VAV3: variants seen among roughly 807,000 people sequenced by gnomAD.
VAV3 encodes the protein guanine nucleotide exchange factor VAV3.
A neutral mutation model predicts 131.2 loss-of-function variants in VAV3; 94 were observed. The observed-to-expected ratio is 0.72, with a 90% CI of 0.61 to 0.85. VAV3 has a LOEUF of 0.85. Ranked by LOEUF, VAV3 falls within the 40% of genes least tolerant of loss-of-function variation. The pLI, the probability that VAV3 is intolerant of heterozygous loss-of-function variation, is 0.00. For synonymous variants in VAV3, 349 were observed against 342.0 expected, an observed-to-expected ratio of 1.02 and a Z score of -0.22; for missense variants, 939 against 1,002.7, an observed-to-expected ratio of 0.94 and a Z score of 0.86.
At chr1:107,875,224 C>T (rs544351603) in intron 1 of VAV3, among the ~76,000 whole-genome samples, 41 of 152,224 alleles carry the variant, frequency 2.7e-4, no homozygotes, top group African/African-American at 9.1e-4. Flanking sequence ...GCAATTTCTA[C>T]CCTCATGAAA....
intron 2 of VAV3, chr1:107,862,797 T>C (rs1036150964): frequency 1.0e-4 from 15 of 144,574 alleles, no homozygotes; most frequent in Non-Finnish European, 1.7e-4. Flanking sequence ...ATATGTGCCA[T>C]AGCCTTGGAA....
intron 12 of VAV3, among the ~76,000 whole-genome samples, chr1:107,753,690 G>A (rs999706904): frequency 6.6e-6 from 1 of 151,352 alleles, no homozygotes; most frequent in African/African-American, 2.4e-5. Context: ...CTCCCCAGTA[G>A]CTGGGACTAC....
At chr1:107,909,923 G>A (rs1157204820) in intron 1 of VAV3, among the ~76,000 whole-genome samples, 1 of 152,100 alleles carries the variant, frequency 6.6e-6, no homozygotes, top group African/African-American at 2.4e-5. Context: ...TCGGTTACAG[G>A]TTATTTGAAC....
rs534665152 is a variant in VAV3 at position 107,740,906 on chromosome 1, G to A, written c.1502+8062C>T. 2.6e-4 allele frequency among the ~76,000 whole-genome samples: 39 copies of A among 152,280 alleles called. 1 individual carries two copies. In the South Asian group the frequency reaches 7.5e-3, roughly 29 times the overall value. On this transcript the variant is annotated intron_variant, in intron 15 of 26. Transcript: ENST00000370056. ...ACAAAGCCTAAACCATTTACTCTCTGGCCCCCTACAACAAAATGTTGCTGG... is the reference window on the plus strand; with the variant it reads ...ACAAAGCCTAAACCATTTACTCTCTAGCCCCCTACAACAAAATGTTGCTGG...
intron 25 of VAV3, among the ~76,000 whole-genome samples, chr1:107,584,808 G>T (rs970992199): frequency 6.6e-6 from 1 of 152,032 alleles, no homozygotes; most frequent in Admixed American, 6.6e-5. Context: ...TAAGTATAAG[G>T]TCTTTCTTAT....
At chr1:107,806,646 C>A (rs1667070399) in intron 2 of VAV3, among the ~76,000 whole-genome samples, 1 of 152,094 alleles carries the variant, frequency 6.6e-6, no homozygotes, top group Non-Finnish European at 1.5e-5. Context: ...AGTGAACAAT[C>A]CTAACCACCA....
At chr1:107,746,340 A>T (rs1213998999) in intron 15 of VAV3, among the ~76,000 whole-genome samples, 2 of 152,188 alleles carry the variant, frequency 1.3e-5, no homozygotes, top group Admixed American at 1.3e-4. Context: ...CTCCAAAAAG[A>T]TACTTCTACC....
chr1:107,674,341 C>G (rs1658041836), intron 19 of VAV3, among the ~76,000 whole-genome samples: 1 of 152,132 alleles, frequency 6.6e-6, no homozygotes, highest in Non-Finnish European at 1.5e-5. Flanking sequence ...GGTAGGGATT[C>G]TTCTGGTGCT....
At chr1:107,826,577 T>G (rs1239710058) in intron 2 of VAV3, among the ~76,000 whole-genome samples, 1 of 152,196 alleles carries the variant, frequency 6.6e-6, no homozygotes, top group Admixed American at 6.5e-5. Flanking sequence ...ACTGCTCTAG[T>G]GTACTGCAGT....
At position 107,725,860 on chromosome 1, in the gene VAV3, G is replaced by T. The variant is rs575686332; in HGVS notation, c.1503-20799C>A. 1.2e-4 allele frequency among the ~76,000 whole-genome samples: 18 copies of T among 152,184 alleles called. No homozygotes were observed. The East Asian group carries it at 3.3e-3, about 28-fold the overall frequency. On this transcript the variant is annotated intron_variant, in intron 15 of 26. Transcript: ENST00000370056. Reference sequence around the variant, plus strand: ...AAGGCCTGTTTCCTGGGTCTCCTGGGCACCTATAATATCTGGCAGTCACAG... The same window carrying T: ...AAGGCCTGTTTCCTGGGTCTCCTGGTCACCTATAATATCTGGCAGTCACAG...
rs12083312 is a variant in VAV3, at chr1:107,871,412, C to A, written c.321+3489G>T. Among the ~76,000 whole-genome samples the A allele has an allele frequency of 4.2e-3, 626 of 147,552 alleles. 5 individuals carry two copies. Among genetic ancestry groups the A allele is most frequent in the African/African-American group, 0.015 (588 of 39,674 alleles). ...AGGAGCTTTTTTCAGTATTTAACAA[C>A]CCTGAAGAGTGAGAGTCATATCTAA... On this transcript the variant is annotated intron_variant, in intron 2 of 26. Transcript: ENST00000370056.
intron 20 of VAV3, among the ~76,000 whole-genome samples, chr1:107,632,798 T>C (rs1238412317): frequency 6.6e-6 from 1 of 152,188 alleles, no homozygotes; most frequent in Non-Finnish European, 1.5e-5. Context: ...ATGTGTTGTT[T>C]TTCTCTGTTC....
chr1:107,893,177 A>G (rs1479410302), intron 1 of VAV3, among the ~76,000 whole-genome samples: 1 of 152,228 alleles, frequency 6.6e-6, no homozygotes, highest in African/African-American at 2.4e-5. Context: ...TTTTAGTAGT[A>G]TAACTTTATT....
chr1:107,882,047 A>G (rs577192130), intron 1 of VAV3, among the ~76,000 whole-genome samples: 2 of 152,314 alleles, frequency 1.3e-5, no homozygotes, highest in Admixed American at 1.3e-4. Flanking sequence ...ATTTGAAAAA[A>G]TAAACACCGA....
intron 25 of VAV3, among the ~76,000 whole-genome samples, chr1:107,583,749 TAA>T (rs1234641779): frequency 6.6e-6 from 1 of 151,902 alleles, no homozygotes; most frequent in African/African-American, 2.4e-5. Flanking sequence ...CTCAATGAAA[TAA>T]AAGAGGATAC....
At chr1:107,694,360 G>A (rs368425828) in intron 17 of VAV3, among the ~76,000 whole-genome samples, 63 of 152,200 alleles carry the variant, frequency 4.1e-4, no homozygotes, top group African/African-American at 1.5e-3. Context: ...CAATTGGATC[G>A]ACTGGATCAG....
chr1:107,603,206 G>T (rs191906029), intron 22 of VAV3, 43 bp from the exon 23 acceptor site: 287 of 1,442,806 alleles, frequency 2.0e-4, no homozygotes, highest in Non-Finnish European at 2.7e-4. Context: ...AATATACCTG[G>T]AAGAGAACAG....
intron 1 of VAV3, among the ~76,000 whole-genome samples, chr1:107,952,485 T>TAC (rs373737009): frequency 1.1e-5 from 1 of 94,450 alleles, no homozygotes; most frequent in African/African-American, 3.6e-5. Context: ...TATATATATA[T>TAC]ACACACATAA....
chr1:107,573,464 C>A, intron 26 of VAV3, 92 bp from the exon 27 acceptor site: 5 of 1,474,804 alleles, frequency 3.4e-6, no homozygotes, highest in Non-Finnish European at 4.6e-6. Flanking sequence ...TTCATAACAC[C>A]CCAATTAAAC....
Sources: allele counts gnomAD v4.1 joint callset (sites outside exome capture counted in the v4.1 genomes callset), GRCh38; gene constraint gnomAD v4.1.1; transcripts MANE v1.5; gene names NCBI Gene and HGNC (gene_info 2026-07-23, HGNC 2026-07-21).